Variants in BICC1 observed in about 807,000 individuals in gnomAD.
BICC1 encodes the protein BicC family RNA binding protein 1.
A neutral mutation model predicts 111.0 loss-of-function variants in BICC1; 43 were observed. That is an observed-to-expected ratio of 0.39 (90% CI 0.30 to 0.50). The LOEUF is 0.50. BICC1 is among the 20% of genes least tolerant of loss of function. BICC1 has a pLI of 0.88. For missense variants in BICC1, 1,091 were observed against 1,203.2 expected (o/e 0.91, Z 1.38); for synonymous variants, 467 against 434.4 (o/e 1.07, Z -0.93).
chr10:58,817,652 G>A lies in BICC1; in HGVS notation c.2624G>A (p.Gly875Asp). The A allele has an allele frequency of 6.2e-7, 1 of 1,613,474 alleles. No individual in the cohort carries two copies. The highest frequency in any genetic ancestry group is 8.5e-7 in the Non-Finnish European group (1 of 1,179,638). Residue 875 changes from glycine to aspartate, a missense_variant, in exon 19 of 21, where the codon GGT (glycine) becomes GAT (aspartate). Physicochemically the swap from Gly to Asp is moderately conservative, Grantham distance 94. Coordinates refer to ENST00000373886, the MANE Select transcript of BICC1 (RefSeq NM_001080512.3). Reference sequence around the variant, plus strand: ...TGTAACTTAAATAGCTCTTTCAAAGGTTCTGACCTCCCTGAGCTCTTCAGC... The same window carrying A: ...TGTAACTTAAATAGCTCTTTCAAAGATTCTGACCTCCCTGAGCTCTTCAGC... ...NGCNLNSSFK[G>D]SDLPELFSKL...
At chr10:58,635,883 C>T (rs1055588876) in intron 2 of BICC1, among the ~76,000 whole-genome samples, 36 of 152,116 alleles carry the variant, frequency 2.4e-4, no homozygotes, top group African/African-American at 8.4e-4. Context: ...TTTAAAAGTC[C>T]GTCATTTGGC....
At chr10:58,682,941 T>A (rs533232101) in intron 2 of BICC1, among the ~76,000 whole-genome samples, 2 of 152,208 alleles carry the variant, frequency 1.3e-5, no homozygotes, top group Non-Finnish European at 2.9e-5. Flanking sequence ...GGTGTTTTAG[T>A]CATGAAGTCC....
At chr10:58,803,344 C>T (rs1843612911) in intron 15 of BICC1, 102 bp downstream of exon 15, 1 of 994,286 alleles carries the variant, frequency 1.0e-6, no homozygotes, top group Non-Finnish European at 1.4e-6. Flanking sequence ...ATTAGGTTTT[C>T]CTTCTGTGCT....
At chr10:58,567,304 C>G (rs542944605) in intron 1 of BICC1, among the ~76,000 whole-genome samples, 1 of 152,132 alleles carries the variant, frequency 6.6e-6, no homozygotes, top group East Asian at 1.9e-4. Context: ...CATTAATCAG[C>G]CTCTCCCATA....
At chr10:58,529,629 A>C (rs1649092) in intron 1 of BICC1, among the ~76,000 whole-genome samples, 5 of 151,478 alleles carry the variant, frequency 3.3e-5, no homozygotes, top group South Asian at 2.1e-4. Flanking sequence ...AGGAGGAATC[A>C]TGTAAAGACA....
At chr10:58,535,913 G>C (rs1195057116) in intron 1 of BICC1, among the ~76,000 whole-genome samples, 1 of 150,590 alleles carries the variant, frequency 6.6e-6, no homozygotes, top group Non-Finnish European at 1.5e-5. Context: ...CCAAAAGCAA[G>C]CAGGAGGAAC....
intron 2 of BICC1, among the ~76,000 whole-genome samples, chr10:58,636,210 G>A (rs920838588): frequency 2.0e-5 from 3 of 152,112 alleles, no homozygotes; most frequent in Non-Finnish European, 4.4e-5. Context: ...ATAAGACCTA[G>A]CATTTTTAAG....
At chr10:58,513,500 C>G (rs1444914773) in intron 1 of BICC1, among the ~76,000 whole-genome samples, 167 bp downstream of exon 1, 1 of 152,206 alleles carries the variant, frequency 6.6e-6, no homozygotes, top group East Asian at 1.9e-4. Flanking sequence ...GGAGACTTCG[C>G]GGGACTCCCC....
intron 2 of BICC1, among the ~76,000 whole-genome samples, chr10:58,688,988 C>T (rs1839835116): frequency 6.6e-6 from 1 of 152,134 alleles, no homozygotes; most frequent in Non-Finnish European, 1.5e-5. Flanking sequence ...TGTAACAAAC[C>T]TGCACATTCT....
intron 3 of BICC1, among the ~76,000 whole-genome samples, chr10:58,717,583 A>G (rs1840787930): frequency 1.3e-5 from 2 of 152,222 alleles, no homozygotes; most frequent in South Asian, 4.1e-4. Context: ...CAGTAATACC[A>G]TTATTTTTGT....
intron 3 of BICC1, among the ~76,000 whole-genome samples, chr10:58,754,996 G>A (rs1381182839): frequency 2.0e-5 from 3 of 152,188 alleles, no homozygotes; most frequent in African/African-American, 4.8e-5. Flanking sequence ...ATGTATTGCA[G>A]TCCTTGTATT....
In BICC1 at chr10:58,830,283, C is replaced by A. The variant is rs1844519048; in HGVS notation, c.*1392C>A. ...TATAGATTTATGAAGTGTTTTTAAT[C>A]CATGAAGAAACACTAAAGTGCCTTT... On this transcript the variant is annotated 3_prime_UTR_variant, in exon 21 of 21. Transcript: ENST00000373886. The A allele has an allele frequency of 6.6e-6, 1 of 152,056 alleles. No individual in the cohort carries two copies. Among genetic ancestry groups the A allele is most frequent in the Admixed American group, 6.6e-5 (1 of 15,242 alleles). 9.4% of individuals were successfully genotyped at this position (152,056 alleles called of 1,614,324 possible).
intron 2 of BICC1, among the ~76,000 whole-genome samples, chr10:58,663,184 A>G (rs1838900238): frequency 6.7e-6 from 1 of 149,542 alleles, no homozygotes; most frequent in Non-Finnish European, 1.5e-5. Flanking sequence ...CTCCTGCCTC[A>G]GCCTCCTGAG....
chr10:58,652,976 T>C (rs756058719), intron 2 of BICC1, among the ~76,000 whole-genome samples: 3 of 152,154 alleles, frequency 2.0e-5, no homozygotes, highest in Non-Finnish European at 4.4e-5. Context: ...CTTGATACCA[T>C]GTTATATACA....
At chr10:58,758,465 A>G (rs766498512) in intron 3 of BICC1, among the ~76,000 whole-genome samples, 11 of 152,230 alleles carry the variant, frequency 7.2e-5, no homozygotes, top group Non-Finnish European at 1.3e-4. Context: ...TCACTAAGAA[A>G]GGAATTCCTG....
intron 2 of BICC1, among the ~76,000 whole-genome samples, chr10:58,683,267 G>A (rs1839598264): frequency 6.6e-6 from 1 of 152,200 alleles, no homozygotes; most frequent in African/African-American, 2.4e-5. Flanking sequence ...CCAGTACCAT[G>A]CTGTTTTGGT....
intron 2 of BICC1, among the ~76,000 whole-genome samples, chr10:58,690,895 T>A (rs1320590791): frequency 6.6e-6 from 1 of 152,182 alleles, no homozygotes; most frequent in East Asian, 1.9e-4. Context: ...GACTAGAAAA[T>A]TGCATTCAAG....
chr10:58,642,285 TC>T lies in BICC1; in HGVS notation c.237+21386del, dbSNP rs995808947. 2.6e-5 allele frequency among the ~76,000 whole-genome samples: 4 copies of T among 152,138 alleles called. No homozygotes were observed. In the East Asian group the frequency reaches 5.8e-4, roughly 22 times the overall value. On this transcript the variant is annotated intron_variant, in intron 2 of 20. Coordinates refer to ENST00000373886, the MANE Select transcript of BICC1 (RefSeq NM_001080512.3). ...TCATGGTGGCTTCTTATTCCTGAGT[TC>T]CGAAAGAGGCTGGGGGTGTTTTCAT...
At chr10:58,557,526 G>A (rs74434081) in intron 1 of BICC1, among the ~76,000 whole-genome samples, 1 of 151,686 alleles carries the variant, frequency 6.6e-6, no homozygotes, top group Non-Finnish European at 1.5e-5. Context: ...ACAGCTTATT[G>A]ATGTTCTATT....
Sources: gnomAD v4.1 joint callset for allele counts (sites outside exome capture counted in the v4.1 genomes callset) on GRCh38, gnomAD v4.1.1 for gene constraint, MANE v1.5 for transcripts, NCBI Gene and HGNC (gene_info 2026-07-23, HGNC 2026-07-21) for gene names.